PPP4R3B: variants seen among roughly 807,000 people sequenced by gnomAD.
The protein encoded by PPP4R3B is serine/threonine-protein phosphatase 4 regulatory subunit 3B.
In PPP4R3B, 52 loss-of-function variants were observed where a neutral mutation model predicts 95.4. The ratio of observed to expected loss-of-function variants is 0.54; its 90% CI spans 0.44 to 0.69. The LOEUF is 0.69. PPP4R3B is among the 30% of genes least tolerant of loss of function. The pLI is 0.00. For synonymous variants in PPP4R3B, 407 were observed against 343.9 expected, an observed-to-expected ratio of 1.18 and a Z score of -2.03; for missense variants, 1,003 against 1,005.9, an observed-to-expected ratio of 1.00 and a Z score of 0.04.
At chr2:55,615,857 CAAAAAAAA>C (rs58981030) in intron 1 of PPP4R3B, among the ~76,000 whole-genome samples, 13 of 39,064 alleles carry the variant, frequency 3.3e-4, no homozygotes, top group African/African-American at 9.0e-4. Flanking sequence ...ACTCTGTCTC[CAAAAAAAA>C]AAAAAAAAAA....
At chr2:55,568,415 A>AT (rs773398121) in intron 12 of PPP4R3B, 52 bp from the exon 13 acceptor site, 50 of 1,425,414 alleles carry the variant, frequency 3.5e-5, no homozygotes, top group Non-Finnish European at 4.6e-5. Context: ...AAAATCAATT[A>AT]TTATACAGGT....
In PPP4R3B at chr2:55,564,510, T is replaced by C. The variant is rs755561398; in HGVS notation, c.2076-13A>G. On this transcript the variant is annotated splice_polypyrimidine_tract_variant and intron_variant, in intron 14 of 16. Transcript: ENST00000616407. ...TATAGATGGTACACTGTAAGAAATATATCACAAATATTGAGTAATGATTTA... is the reference window on the plus strand; with the variant it reads ...TATAGATGGTACACTGTAAGAAATACATCACAAATATTGAGTAATGATTTA... The C allele has an allele frequency of 1.9e-6, 3 of 1,568,418 alleles. No homozygotes were observed. Among genetic ancestry groups the C allele is most frequent in the South Asian group, 1.2e-5 (1 of 83,714 alleles).
rs372934173 is a variant in PPP4R3B, at chr2:55,617,317, G to A, written c.-32C>T. Reference sequence around the variant, plus strand: ...TGCTGTCTCCACCGCTCTAGCCGCCGCCTCCTCGCTTACCTCGTCCGCGCT... The same window carrying A: ...TGCTGTCTCCACCGCTCTAGCCGCCACCTCCTCGCTTACCTCGTCCGCGCT... On this transcript the variant is annotated 5_prime_UTR_variant, in exon 1 of 17. Coordinates refer to ENST00000616407, the MANE Select transcript of PPP4R3B (RefSeq NM_001122964.3). The A allele has an allele frequency of 1.2e-5, 18 of 1,548,894 alleles. No individual in the cohort carries two copies. Among genetic ancestry groups the A allele is most frequent in the Non-Finnish European group, 1.5e-5 (17 of 1,141,960 alleles).
intron 5 of PPP4R3B, among the ~76,000 whole-genome samples, chr2:55,587,086 C>T (rs1690246995): frequency 6.6e-6 from 1 of 152,116 alleles, no homozygotes; most frequent in African/African-American, 2.4e-5. Flanking sequence ...GTTATTAGAA[C>T]ATTTTCCTTA....
chr2:55,570,205 G>C (rs146559128), intron 12 of PPP4R3B, among the ~76,000 whole-genome samples: 1 of 152,134 alleles, frequency 6.6e-6, no homozygotes. Flanking sequence ...AGCTGAGATC[G>C]TGCCACTACA....
intron 16 of PPP4R3B, among the ~76,000 whole-genome samples, chr2:55,557,071 C>T (rs923778173): frequency 1.1e-4 from 17 of 151,980 alleles, no homozygotes; most frequent in Non-Finnish European, 1.8e-4. Flanking sequence ...ACAACAACGA[C>T]GACGACGACG....
chr2:55,580,939 G>A (rs985192843), intron 8 of PPP4R3B, among the ~76,000 whole-genome samples: 8 of 152,088 alleles, frequency 5.3e-5, no homozygotes, highest in South Asian at 4.2e-4. Context: ...ATAAAATCAC[G>A]CAACATAAAA....
At chr2:55,591,848 A>G (rs925665592) in intron 4 of PPP4R3B, among the ~76,000 whole-genome samples, 5 of 152,222 alleles carry the variant, frequency 3.3e-5, no homozygotes, top group African/African-American at 1.2e-4. Context: ...TTTATGAAGG[A>G]AGCAAATAAT....
intron 12 of PPP4R3B, among the ~76,000 whole-genome samples, chr2:55,572,162 G>A (rs1688091557): frequency 6.6e-6 from 1 of 151,978 alleles, no homozygotes; most frequent in African/African-American, 2.4e-5. Flanking sequence ...ATACATAAAT[G>A]TAAAAAAGGA....
intron 16 of PPP4R3B, among the ~76,000 whole-genome samples, chr2:55,552,180 A>T (rs1247747532): frequency 1.3e-5 from 2 of 152,214 alleles, no homozygotes; most frequent in Non-Finnish European, 2.9e-5. Context: ...AAAAATGCAA[A>T]ATATGAAATG....
At chr2:55,611,260 T>C (rs934516953) in intron 2 of PPP4R3B, among the ~76,000 whole-genome samples, 1 of 151,898 alleles carries the variant, frequency 6.6e-6, no homozygotes, top group Non-Finnish European at 1.5e-5. Flanking sequence ...CTCCTGGCCT[T>C]AAGTGATCCT....
Position 55,579,681 on chromosome 2 carries a change from T to G in PPP4R3B, c.1466A>C (p.Lys489Thr). 5.7e-6 allele frequency: 9 copies of G among 1,584,614 alleles called. No homozygotes were observed. The highest frequency in any genetic ancestry group is 7.7e-6 in the Non-Finnish European group (9 of 1,165,618). The change falls in exon 9 of 17, where the codon AAG (lysine) becomes ACG (threonine). Residue 489 changes from lysine (K) to threonine (T), a missense_variant and splice_region_variant. This residue lies in a region of PPP4R3B where 695 missense variants were observed against 686.2 expected (regional missense o/e 1.01). Transcript: ENST00000616407. ...GCAGATAAATAAAGAGACCCTACCC[T>G]TTTCACATTTGTCTTCTGAAGTATT... ...LTNTSEDKCE[K>T]DFFLKHYRYS...
chr2:55,576,796 A>G (rs1222927536), intron 11 of PPP4R3B, among the ~76,000 whole-genome samples: 1 of 152,224 alleles, frequency 6.6e-6, no homozygotes, highest in Non-Finnish European at 1.5e-5. Context: ...TTGTATCTCT[A>G]AATAGTCCAA....
chr2:55,604,904 A>G (rs1693170562), intron 2 of PPP4R3B, among the ~76,000 whole-genome samples: 2 of 151,958 alleles, frequency 1.3e-5, no homozygotes, highest in African/African-American at 4.8e-5. Flanking sequence ...TAGGGGTACA[A>G]TCACGACTCA....
chr2:55,566,748 C>A (rs950506057), intron 13 of PPP4R3B, among the ~76,000 whole-genome samples: 1 of 152,184 alleles, frequency 6.6e-6, no homozygotes, highest in East Asian at 1.9e-4. Flanking sequence ...TGGCTCACAC[C>A]TGTAATCCAA....
At chr2:55,595,752 A>C (rs1307764320) in intron 4 of PPP4R3B, among the ~76,000 whole-genome samples, 1 of 151,764 alleles carries the variant, frequency 6.6e-6, no homozygotes, top group Admixed American at 6.6e-5. Context: ...AAAAAAAAAA[A>C]AACACAGCCT....
chr2:55,591,363 G>T, intron 4 of PPP4R3B: 1 of 197,640 alleles, frequency 5.1e-6, no homozygotes, highest in Non-Finnish European at 9.0e-6. Flanking sequence ...GGCTGGTATC[G>T]AACTCCTGGC....
chr2:55,596,443 C>A (rs1182433532), intron 4 of PPP4R3B, among the ~76,000 whole-genome samples: 1 of 152,188 alleles, frequency 6.6e-6, no homozygotes, highest in Non-Finnish European at 1.5e-5. Flanking sequence ...TACGATTTGA[C>A]ATTTTCAGTG....
At position 55,573,707 on chromosome 2, in the gene PPP4R3B, T is replaced by C. The variant is rs932063918; in HGVS notation, c.1677A>G (p.Thr559=). Residue 559 remains threonine, a synonymous_variant, in exon 12 of 17, where the codon ACA becomes ACG. Coordinates refer to ENST00000616407, the MANE Select transcript of PPP4R3B (RefSeq NM_001122964.3). ...ELLTFCVEHH[T]YHIKNYIMNK... is the part of the protein sequence containing the mutation. Reference sequence around the variant, plus strand: ...TCATAATATAGTTTTTTATGTGATATGTGTGATGTTCCACACAAAATGTGA... The same window carrying C: ...TCATAATATAGTTTTTTATGTGATACGTGTGATGTTCCACACAAAATGTGA... 5.8e-6 allele frequency: 9 copies of C among 1,546,564 alleles called. No homozygotes were observed. Among genetic ancestry groups the C allele is most frequent in the Non-Finnish European group, 7.9e-6 (9 of 1,145,456 alleles).
Sources: allele counts gnomAD v4.1 joint callset (sites outside exome capture counted in the v4.1 genomes callset), GRCh38; gene constraint gnomAD v4.1.1; regional missense constraint gnomAD v4.1.1; transcripts MANE v1.5; gene names NCBI Gene and HGNC (gene_info 2026-07-23, HGNC 2026-07-21).